ST8SIA5: variants seen among roughly 807,000 people sequenced by gnomAD.
The protein encoded by ST8SIA5 is ST8 alpha-N-acetyl-neuraminide alpha-2,8-sialyltransferase 5.
In ST8SIA5, 24 loss-of-function variants were observed where a neutral mutation model predicts 40.2. That is an observed-to-expected ratio of 0.60 (90% CI 0.43 to 0.84). The LOEUF (loss-of-function observed/expected upper bound fraction) is 0.84. ST8SIA5 is among the 40% of genes least tolerant of loss of function. ST8SIA5 has a pLI of 0.00. For missense variants in ST8SIA5, 465 were observed against 498.5 expected (o/e 0.93, Z 0.64); for synonymous variants, 198 against 201.8 (o/e 0.98, Z 0.16).
intron 4 of ST8SIA5, among the ~76,000 whole-genome samples, chr18:46,687,700 A>G (rs1005549453): frequency 1.3e-5 from 2 of 152,176 alleles, no homozygotes; most frequent in Admixed American, 6.5e-5. Context: ...CTTTGGTACC[A>G]GTCACAGAAT....
intron 5 of ST8SIA5, 38 bp downstream of exon 5, chr18:46,686,136 T>C: frequency 1.3e-6 from 2 of 1,585,530 alleles, no homozygotes; most frequent in South Asian, 1.1e-5. Context: ...GAGAGGGCCA[T>C]GGGGTAGTGG....
intron 1 of ST8SIA5, among the ~76,000 whole-genome samples, chr18:46,732,994 A>G (rs2039999676): frequency 6.6e-6 from 1 of 152,134 alleles, no homozygotes; most frequent in African/African-American, 2.4e-5. Flanking sequence ...GCAGGACCTC[A>G]GAAAGGGGCA....
At chr18:46,737,742 T>C (rs1486558579) in intron 1 of ST8SIA5, among the ~76,000 whole-genome samples, 2 of 152,176 alleles carry the variant, frequency 1.3e-5, no homozygotes, top group Non-Finnish European at 2.9e-5. Context: ...GGTTAGAACC[T>C]GCCTCATGAT....
chr18:46,685,495 G>A lies in ST8SIA5; in HGVS notation c.569+679C>T, dbSNP rs866949123. Among the ~76,000 whole-genome samples, 6 of 152,170 alleles carry A rather than the reference G, an allele frequency of 3.9e-5. No homozygotes were observed. The South Asian group carries it at 1.2e-3, about 32-fold the overall frequency. ...TAGAGACAGGGGCTGGGGTTGGACAGCCAAGAACCCGAAATATGCAGGAGT... is the reference window on the plus strand; with the variant it reads ...TAGAGACAGGGGCTGGGGTTGGACAACCAAGAACCCGAAATATGCAGGAGT... On this transcript the variant is annotated intron_variant, in intron 5 of 6. Transcript: ENST00000315087.
At chr18:46,728,139 G>A (rs972677882) in intron 1 of ST8SIA5, among the ~76,000 whole-genome samples, 3 of 150,228 alleles carry the variant, frequency 2.0e-5, no homozygotes, top group African/African-American at 7.4e-5. Flanking sequence ...AGGTTGCAGT[G>A]AGCTGAGATC....
rs1249300084 is a variant in ST8SIA5, at chr18:46,676,245, T to G, written c.*3797A>C. The G allele has an allele frequency of 1.3e-5, 2 of 152,232 alleles. No individual in the cohort carries two copies. Among genetic ancestry groups the G allele is most frequent in the Non-Finnish European group, 2.9e-5 (2 of 68,060 alleles). 9.4% of individuals were successfully genotyped at this position (152,232 alleles called of 1,614,324 possible). A position where few individuals can be genotyped will look rare whatever the true frequency, so the allele number is the denominator to read the frequency against. ...CAGATAACTGTCCCTGAGACTGGAT[T>G]TGATAGTGTTCAGCACAACCAGCTC... On this transcript the variant is annotated 3_prime_UTR_variant, in exon 7 of 7. Transcript: ENST00000315087.
At position 46,679,752 on chromosome 18, in the gene ST8SIA5, A is replaced by G. The variant is rs566782041; in HGVS notation, c.*290T>C. On this transcript the variant is annotated 3_prime_UTR_variant, in exon 7 of 7. Coordinates refer to ENST00000315087, the MANE Select transcript of ST8SIA5 (RefSeq NM_013305.6). ...TGTGCTTTATTCACTTGCCGTCCCC[A>G]GGGCCCCTGATCTTGGGGTGTGGCC... 7.9e-4 allele frequency: 358 copies of G among 454,152 alleles called. No homozygotes were observed. Among genetic ancestry groups the G allele is most frequent in the Non-Finnish European group, 8.0e-4 (202 of 251,752 alleles). The allele number at this position is 454,152 out of a possible 1,614,324, so 28.1% of individuals were successfully genotyped here.
At chr18:46,725,996 T>TATATATATATATATCCTGG (rs1419939198) in intron 1 of ST8SIA5, among the ~76,000 whole-genome samples, 5 of 66,008 alleles carry the variant, frequency 7.6e-5, no homozygotes, top group East Asian at 9.2e-4. Flanking sequence ...TATATATATA[T>TATATATATATATATCCTGG]ATATATATAT....
intron 1 of ST8SIA5, among the ~76,000 whole-genome samples, chr18:46,716,102 A>AGATAGAT (rs1173185434): frequency 1.8e-4 from 23 of 130,242 alleles, no homozygotes; most frequent in African/African-American, 7.3e-4. Flanking sequence ...ATAGATAGAT[A>AGATAGAT]GATAGATAGA....
intron 2 of ST8SIA5, among the ~76,000 whole-genome samples, chr18:46,696,920 G>C (rs1336809316): frequency 6.6e-6 from 1 of 152,116 alleles, no homozygotes; most frequent in Non-Finnish European, 1.5e-5. Context: ...CAAGTACCTA[G>C]AGCCAATCTG....
chr18:46,742,714 C>T (rs2040099279), intron 1 of ST8SIA5, among the ~76,000 whole-genome samples: 1 of 152,242 alleles, frequency 6.6e-6, no homozygotes. Flanking sequence ...AGCAGTGGTT[C>T]TCCCAGCATG....
intron 1 of ST8SIA5, among the ~76,000 whole-genome samples, chr18:46,733,723 G>A (rs2040006963): frequency 6.6e-6 from 1 of 152,272 alleles, no homozygotes; most frequent in African/African-American, 2.4e-5. Flanking sequence ...GTGATGAGGG[G>A]CCAGCCCAGG....
At chr18:46,748,940 A>T (rs74488877) in intron 1 of ST8SIA5, among the ~76,000 whole-genome samples, 11,171 of 152,270 alleles carry the variant, frequency 0.073, 756 homozygotes, top group East Asian at 0.31. Context: ...TTAACATAAC[A>T]GTGAAAAACA....
chr18:46,731,799 G>A (rs1434740081), intron 1 of ST8SIA5: 1 of 152,232 alleles, frequency 6.6e-6, no homozygotes, highest in Non-Finnish European at 1.5e-5. Context: ...TCTCCTTAGA[G>A]AGCTCCTCTA....
At chr18:46,683,217 A>G (rs1317402213) in intron 5 of ST8SIA5, among the ~76,000 whole-genome samples, 2 of 152,228 alleles carry the variant, frequency 1.3e-5, no homozygotes, top group Non-Finnish European at 2.9e-5. Context: ...GGAGCACACC[A>G]GTTGATACAA....
chr18:46,720,997 G>C (rs1420286541), intron 1 of ST8SIA5, among the ~76,000 whole-genome samples: 1 of 151,972 alleles, frequency 6.6e-6, no homozygotes, highest in Non-Finnish European at 1.5e-5. Flanking sequence ...CCCGCTTCTT[G>C]ATGCCACCCA....
rs1162829016 is a variant in ST8SIA5 at position 46,752,576 on chromosome 18, G to T, written c.131+3802C>A. Reference sequence around the variant, plus strand: ...CCTTCTCCCCTCCTGACCAAGGGAGGTGCTGCAAATGGACCCCCAGAGTTC... The same window carrying T: ...CCTTCTCCCCTCCTGACCAAGGGAGTTGCTGCAAATGGACCCCCAGAGTTC... On this transcript the variant is annotated intron_variant, in intron 1 of 6. Coordinates refer to ENST00000315087, the MANE Select transcript of ST8SIA5 (RefSeq NM_013305.6). Among the ~76,000 whole-genome samples the T allele has an allele frequency of 2.0e-5, 3 of 152,296 alleles. No individual in the cohort carries two copies. The East Asian group carries it at 5.8e-4, about 29-fold the overall frequency.
chr18:46,732,499 C>T (rs886935964), intron 1 of ST8SIA5, among the ~76,000 whole-genome samples: 2 of 152,148 alleles, frequency 1.3e-5, no homozygotes, highest in Non-Finnish European at 2.9e-5. Context: ...ACCTTTACTG[C>T]TATCCTCACA....
intron 2 of ST8SIA5, among the ~76,000 whole-genome samples, chr18:46,694,967 T>C (rs981416091): frequency 9.9e-5 from 15 of 152,084 alleles, no homozygotes; most frequent in African/African-American, 3.6e-4. Flanking sequence ...GAGACCAGCC[T>C]GGCCAACATA....
Sources: allele counts gnomAD v4.1 joint callset (sites outside exome capture counted in the v4.1 genomes callset), GRCh38; gene constraint gnomAD v4.1.1; transcripts MANE v1.5; gene names NCBI Gene and HGNC (gene_info 2026-07-23, HGNC 2026-07-21).